Variants in NELL1 observed in about 807,000 individuals in gnomAD.
NELL1 encodes neural EGFL like 1.
In NELL1, 76 loss-of-function variants were observed where a neutral mutation model predicts 107.4. The ratio of observed to expected loss-of-function variants is 0.71; its 90% CI spans 0.59 to 0.86. The LOEUF is 0.86. NELL1 is among the 40% of genes least tolerant of loss of function. The probability of loss-of-function intolerance (pLI) is 0.00; values close to 1 mark genes in which losing one functional copy is unlikely to be tolerated. For missense variants in NELL1, 1,024 were observed against 1,005.5 expected (o/e 1.02, Z -0.25); for synonymous variants, 353 against 341.2 (o/e 1.03, Z -0.38).
intron 3 of NELL1, among the ~76,000 whole-genome samples, chr11:20,807,045 C>T (rs1000994080): frequency 2.0e-4 from 31 of 151,430 alleles, no homozygotes; most frequent in African/African-American, 6.1e-4. Flanking sequence ...ATCCTTGGTG[C>T]ATTATTTAGT....
In NELL1 at chr11:20,838,407, T is replaced by C. The variant is rs778702091; in HGVS notation, c.336-9176T>C. 6.0e-5 allele frequency among the ~76,000 whole-genome samples: 9 copies of C among 151,000 alleles called. No homozygotes were observed. In the South Asian group the frequency reaches 1.3e-3, roughly 21 times the overall value. ...AAACTAAGAAAATCTAAATAAAATA[T>C]AGACTTGGTTAATAATCTATTAATA... On this transcript the variant is annotated intron_variant, in intron 3 of 19. Coordinates refer to ENST00000357134, the MANE Select transcript of NELL1 (RefSeq NM_006157.5).
At chr11:20,812,678 G>A (rs1857524529) in intron 3 of NELL1, among the ~76,000 whole-genome samples, 1 of 152,144 alleles carries the variant, frequency 6.6e-6, no homozygotes, top group African/African-American at 2.4e-5. Flanking sequence ...CAGAAATCAT[G>A]GTTTGGATTA....
At chr11:21,257,127 A>G (rs1475524144) in intron 14 of NELL1, among the ~76,000 whole-genome samples, 1 of 152,004 alleles carries the variant, frequency 6.6e-6, no homozygotes. Context: ...CAAAATGGTA[A>G]GACCCAAGGA....
At chr11:21,091,041 A>G (rs1443079756) in intron 12 of NELL1, among the ~76,000 whole-genome samples, 1 of 152,212 alleles carries the variant, frequency 6.6e-6, no homozygotes, top group Non-Finnish European at 1.5e-5. Flanking sequence ...GATGATGAAT[A>G]CACATTTTCT....
At chr11:21,347,457 C>T (rs553405795) in intron 14 of NELL1, among the ~76,000 whole-genome samples, 5 of 152,040 alleles carry the variant, frequency 3.3e-5, no homozygotes, top group African/African-American at 1.2e-4. Flanking sequence ...AAAAAATTAG[C>T]CGAGTGTGGT....
intron 5 of NELL1, among the ~76,000 whole-genome samples, chr11:20,899,768 A>G (rs946302000): frequency 3.3e-5 from 5 of 152,184 alleles, no homozygotes. Context: ...TAAAAAAAGC[A>G]TATAACAATA....
intron 15 of NELL1, among the ~76,000 whole-genome samples, chr11:21,512,409 T>A (rs1055086741): frequency 4.6e-5 from 7 of 152,220 alleles, no homozygotes; most frequent in African/African-American, 1.7e-4. Context: ...AGGATTTTAT[T>A]GCATATTTTA....
At chr11:21,482,192 G>C (rs1016197410) in intron 15 of NELL1, among the ~76,000 whole-genome samples, 5 of 152,186 alleles carry the variant, frequency 3.3e-5, no homozygotes, top group Non-Finnish European at 4.4e-5. Context: ...TTTGCATAAG[G>C]CATCACACCA....
chr11:21,388,034 G>A lies in NELL1; in HGVS notation c.1645+17086G>A, dbSNP rs376693122. ...TTATGTTTGTAAAGCTAAGAACAAG[G>A]GGACAGCTGGAACTTAAATTCTTGT... On this transcript the variant is annotated intron_variant, in intron 15 of 19. Transcript: ENST00000357134. Among the ~76,000 whole-genome samples, 10 of 151,478 alleles carry A rather than the reference G, an allele frequency of 6.6e-5. No homozygotes were observed. In the East Asian group the frequency reaches 1.4e-3, roughly 21 times the overall value.
chr11:20,707,043 T>A (rs1027926300), intron 2 of NELL1, among the ~76,000 whole-genome samples: 7 of 152,214 alleles, frequency 4.6e-5, no homozygotes, highest in Admixed American at 3.3e-4. Context: ...AGTCCCATAT[T>A]TCTTGGAGGC....
intron 14 of NELL1, among the ~76,000 whole-genome samples, chr11:21,271,531 G>A (rs1848739310): frequency 1.3e-5 from 2 of 152,150 alleles, no homozygotes; most frequent in Non-Finnish European, 2.9e-5. Context: ...GTTCACTGGT[G>A]AATTCTACCA....
At chr11:21,519,999 AAAC>A (rs925608425) in intron 15 of NELL1, among the ~76,000 whole-genome samples, 2 of 152,134 alleles carry the variant, frequency 1.3e-5, no homozygotes, top group South Asian at 2.1e-4. Context: ...GCTTTGGGAA[AAAC>A]AACAACAACA....
At chr11:21,123,257 G>C (rs1009967123) in intron 13 of NELL1, among the ~76,000 whole-genome samples, 6 of 151,832 alleles carry the variant, frequency 4.0e-5, no homozygotes, top group African/African-American at 1.5e-4. Context: ...GCAGATCCCA[G>C]CTTCTTTTGT....
chr11:21,151,162 C>A lies in NELL1; in HGVS notation c.1426+37448C>A, dbSNP rs540826468. ...GCCAAACCATATCAGGTATTTTTCC[C>A]AGAGCACCCAGGTTGAATACCCTGT... On this transcript the variant is annotated intron_variant, in intron 13 of 19. Coordinates refer to ENST00000357134, the MANE Select transcript of NELL1 (RefSeq NM_006157.5). Among the ~76,000 whole-genome samples the A allele has an allele frequency of 2.5e-4, 38 of 152,254 alleles. No individual in the cohort carries two copies. In the South Asian group the frequency reaches 7.7e-3, roughly 31 times the overall value.
intron 12 of NELL1, among the ~76,000 whole-genome samples, chr11:21,044,521 T>A (rs565337021): frequency 7.2e-5 from 11 of 152,252 alleles, no homozygotes; most frequent in African/African-American, 2.6e-4. Context: ...TGGTTATGTG[T>A]ATGCATGTTG....
chr11:20,707,522 T>A (rs1204573511), intron 2 of NELL1, among the ~76,000 whole-genome samples: 4 of 152,248 alleles, frequency 2.6e-5, no homozygotes, highest in African/African-American at 9.6e-5. Context: ...TGGTCTTTGA[T>A]GATGGTGATG....
At position 21,462,257 on chromosome 11, in the gene NELL1, C is replaced by A. The variant is rs978004967; in HGVS notation, c.1646-72117C>A. 5.6e-4 allele frequency among the ~76,000 whole-genome samples: 85 copies of A among 152,068 alleles called. 2 individuals are homozygous for A. The highest frequency in any genetic ancestry group is 3.1e-4 in the Non-Finnish European group (21 of 67,962). On this transcript the variant is annotated intron_variant, in intron 15 of 19. Transcript: ENST00000357134. ...ATAACTAGGAAGGCAGCAGACATTG[C>A]TACATTTCATTTGAAATTTTAAAAT...
intron 2 of NELL1, among the ~76,000 whole-genome samples, chr11:20,755,062 T>C (rs1856229390): frequency 6.6e-6 from 1 of 152,166 alleles, no homozygotes; most frequent in Non-Finnish European, 1.5e-5. Flanking sequence ...CATGTACATA[T>C]CTGGCCTGAC....
At chr11:21,149,023 T>A (rs1426029997) in intron 13 of NELL1, among the ~76,000 whole-genome samples, 1 of 152,152 alleles carries the variant, frequency 6.6e-6, no homozygotes, top group Non-Finnish European at 1.5e-5. Flanking sequence ...GAAAAGAGTA[T>A]CAGGGAAAAT....
Sources: gnomAD v4.1 joint callset for allele counts (sites outside exome capture counted in the v4.1 genomes callset) on GRCh38, gnomAD v4.1.1 for gene constraint, MANE v1.5 for transcripts, NCBI Gene and HGNC (gene_info 2026-07-23, HGNC 2026-07-21) for gene names.